The following VIPAS39 variants were observed in gnomAD, a reference collection of about 807,000 sequenced individuals.
VIPAS39 encodes the protein VPS33B interacting protein, apical-basolateral polarity regulator, spe-39 homolog, also known as spermatogenesis-defective protein 39 homolog.
In VIPAS39, 63 loss-of-function variants were observed where a neutral mutation model predicts 84.7. That is an observed-to-expected ratio of 0.74 (90% CI 0.61 to 0.92). The LOEUF (loss-of-function observed/expected upper bound fraction) is 0.92, where lower values mean the gene tolerates loss of function less well. Ranked by LOEUF, VIPAS39 falls within the 40% of genes least tolerant of loss-of-function variation. The pLI, the probability that VIPAS39 is intolerant of heterozygous loss-of-function variation, is 0.00. For missense variants in VIPAS39, 499 were observed against 604.5 expected (o/e 0.83, Z 1.83); for synonymous variants, 192 against 216.5 (o/e 0.89, Z 0.99).
chr14:77,434,803 G>A (rs2078580709), intron 14 of VIPAS39, among the ~76,000 whole-genome samples: 1 of 151,838 alleles, frequency 6.6e-6, no homozygotes, highest in African/African-American at 2.4e-5. Flanking sequence ...GGAGGCTGAG[G>A]CAGGAGAATT....
intron 11 of VIPAS39, chr14:77,440,435 T>A (rs1283835227): frequency 6.4e-6 from 1 of 157,054 alleles, no homozygotes; most frequent in Non-Finnish European, 1.4e-5. Flanking sequence ...TTTCTTATCC[T>A]CTTAGCCTTC....
intron 14 of VIPAS39, 25 bp from the exon 15 acceptor site, chr14:77,434,328 T>C (rs1380889290): frequency 6.2e-7 from 1 of 1,612,574 alleles, no homozygotes; most frequent in Non-Finnish European, 8.5e-7. Context: ...AAAAAGGAAC[T>C]TTAGTGATAT....
chr14:77,442,741 A>T, intron 9 of VIPAS39, 79 bp from the exon 10 acceptor site: 3 of 1,227,664 alleles, frequency 2.4e-6, no homozygotes, highest in Non-Finnish European at 3.6e-6. Flanking sequence ...CTACTCACAC[A>T]TTCCAAATAT....
At chr14:77,448,383 C>T in intron 7 of VIPAS39, 111 bp downstream of exon 7, 1 of 1,113,452 alleles carries the variant, frequency 9.0e-7, no homozygotes, top group Non-Finnish European at 1.4e-6. Context: ...ATTTATTTTC[C>T]CCCTGAAATT....
chr14:77,442,285 G>T (rs1748713302), intron 10 of VIPAS39, among the ~76,000 whole-genome samples: 1 of 152,164 alleles, frequency 6.6e-6, no homozygotes, highest in Non-Finnish European at 1.5e-5. Flanking sequence ...CATGAAGAGG[G>T]TTGATAACTT....
intron 1 of VIPAS39, 93 bp downstream of exon 1, chr14:77,457,402 T>C (rs2078977779): frequency 6.5e-7 from 1 of 1,535,234 alleles, no homozygotes; most frequent in East Asian, 2.4e-5. Flanking sequence ...TCATAGGGTG[T>C]AGGGATGCCT....
chr14:77,433,417 T>A (rs1229348014), intron 16 of VIPAS39, among the ~76,000 whole-genome samples: 1 of 152,164 alleles, frequency 6.6e-6, no homozygotes, highest in African/African-American at 2.4e-5. Flanking sequence ...GCCAGGATGG[T>A]CTCAAACTCC....
chr14:77,446,751 C>A (rs895767115), intron 7 of VIPAS39, among the ~76,000 whole-genome samples: 1 of 151,968 alleles, frequency 6.6e-6, no homozygotes, highest in Non-Finnish European at 1.5e-5. Flanking sequence ...GATAAATAAT[C>A]CAATGAACTA....
Position 77,441,102 on chromosome 14 carries a change from A to C in VIPAS39, c.735-9T>G. On this transcript the variant is annotated splice_polypyrimidine_tract_variant and intron_variant, in intron 10 of 19. Transcript: ENST00000557658. ...CTGTTCTATCTAGGAACCTGGGAAG[A>C]AGCAGAAGGGAGCAGGGCATTTGTA... is the stretch of plus-strand genomic sequence containing the variant. The C allele has an allele frequency of 6.2e-7, 1 of 1,613,616 alleles. No homozygotes were observed. The highest frequency in any genetic ancestry group is 8.5e-7 in the Non-Finnish European group (1 of 1,179,624).
rs1034609076 is a variant in VIPAS39, at chr14:77,442,598, C to T, written c.696G>A (p.Lys232=). The T allele has an allele frequency of 6.2e-7, 1 of 1,614,170 alleles. No individual in the cohort carries two copies. Among genetic ancestry groups the T allele is most frequent in the South Asian group, 1.1e-5 (1 of 91,082 alleles). Residue 232 remains lysine, a synonymous_variant, in exon 10 of 20, where the codon AAG becomes AAA. Coordinates refer to ENST00000557658, the MANE Select transcript of VIPAS39 (RefSeq NM_001193315.2). ...VALRHLIHFL[K]EIGDQKLLLD... ...AAAGCAACTTTTGATCCCCTATTTC[C>T]TTAAGGAAGTGAATAAGATGTCTCA...
Position 77,448,600 on chromosome 14 carries a change from A to G in VIPAS39, c.448-50T>C, listed in dbSNP as rs768777750. On this transcript the variant is annotated intron_variant, in intron 6 of 19. Transcript: ENST00000557658. ...CCCAGGAAGTTAAGGAATCAAATTTATCAGCATACCCGCTCCTCAACTCAA... is the reference window on the plus strand; with the variant it reads ...CCCAGGAAGTTAAGGAATCAAATTTGTCAGCATACCCGCTCCTCAACTCAA... 4.4e-6 allele frequency: 7 copies of G among 1,587,304 alleles called. No homozygotes were observed. In the African/African-American group the frequency reaches 9.4e-5, roughly 21 times the overall value.
intron 12 of VIPAS39, among the ~76,000 whole-genome samples, chr14:77,436,951 T>C (rs2078622053): frequency 1.3e-5 from 2 of 152,334 alleles, no homozygotes; most frequent in Admixed American, 6.5e-5. Context: ...GTTTTAGCCA[T>C]AGTGAATTTT....
chr14:77,452,001 G>C (rs956621687), intron 3 of VIPAS39, among the ~76,000 whole-genome samples: 31 of 152,128 alleles, frequency 2.0e-4, no homozygotes, highest in African/African-American at 7.5e-4. Flanking sequence ...TTTCATTTAT[G>C]CATCTATGGT....
intron 9 of VIPAS39, 147 bp from the exon 10 acceptor site, chr14:77,442,809 C>T (rs2078723689): frequency 2.5e-6 from 2 of 814,710 alleles, no homozygotes; most frequent in African/African-American, 3.4e-5. Context: ...CTTAATTCAC[C>T]ATCAACACAC....
chr14:77,430,459 G>A (rs1297966773), intron 16 of VIPAS39, among the ~76,000 whole-genome samples: 2 of 152,170 alleles, frequency 1.3e-5, no homozygotes, highest in Non-Finnish European at 1.5e-5. Flanking sequence ...GCTCATGTCT[G>A]TAATCCCAGC....
At chr14:77,444,453 T>G (rs536155177) in intron 7 of VIPAS39, 112 bp from the exon 8 acceptor site, 1 of 961,494 alleles carries the variant, frequency 1.0e-6, no homozygotes, top group African/African-American at 1.7e-5. Flanking sequence ...AAGGAGAGTC[T>G]CTTTATTTTT....
intron 8 of VIPAS39, 98 bp downstream of exon 8, chr14:77,444,151 A>G: frequency 8.1e-7 from 1 of 1,227,600 alleles, no homozygotes; most frequent in Non-Finnish European, 1.2e-6. Flanking sequence ...CAGGATCTTT[A>G]CTTAACATTT....
intron 19 of VIPAS39, among the ~76,000 whole-genome samples, chr14:77,427,931 GC>G (rs1428395413): frequency 6.6e-6 from 1 of 152,108 alleles, no homozygotes; most frequent in African/African-American, 2.4e-5. Flanking sequence ...TTAACAAAGA[GC>G]TCAGTAATTT....
intron 1 of VIPAS39, among the ~76,000 whole-genome samples, chr14:77,454,756 A>G (rs1319699253): frequency 6.6e-6 from 1 of 152,172 alleles, no homozygotes; most frequent in African/African-American, 2.4e-5. Flanking sequence ...ATTAAAAGCA[A>G]CAGTGCAAGG....
Sources: allele counts gnomAD v4.1 joint callset (sites outside exome capture counted in the v4.1 genomes callset), GRCh38; gene constraint gnomAD v4.1.1; transcripts MANE v1.5; gene names NCBI Gene and HGNC (gene_info 2026-07-23, HGNC 2026-07-21).